Variants in CTDSPL observed in about 807,000 individuals in gnomAD.
The protein encoded by CTDSPL is CTD small phosphatase like, also known as CTD small phosphatase-like protein.
Under a neutral mutation model 30.5 loss-of-function variants are expected in CTDSPL, and 8 were observed. The ratio of observed to expected loss-of-function variants is 0.26; its 90% CI spans 0.15 to 0.47. CTDSPL has a LOEUF of 0.47. CTDSPL is among the 20% of genes least tolerant of loss of function. The probability of loss-of-function intolerance (pLI) is 0.99; values close to 1 mark genes in which losing one functional copy is unlikely to be tolerated. For missense variants in CTDSPL, 248 were observed against 366.1 expected (o/e 0.68, Z 2.63); for synonymous variants, 110 against 137.9 (o/e 0.80, Z 1.42).
At chr3:37,925,975 A>G (rs1189440747) in intron 1 of CTDSPL, among the ~76,000 whole-genome samples, 5 of 152,212 alleles carry the variant, frequency 3.3e-5, no homozygotes, top group African/African-American at 1.2e-4. Flanking sequence ...GCTGGAATCT[A>G]AGCTCAATAA....
intron 1 of CTDSPL, among the ~76,000 whole-genome samples, chr3:37,907,562 G>A (rs1234026579): frequency 6.6e-6 from 1 of 152,228 alleles, no homozygotes; most frequent in Non-Finnish European, 1.5e-5. Context: ...AAGGATGAAA[G>A]AGTGACAGGC....
intron 1 of CTDSPL, among the ~76,000 whole-genome samples, chr3:37,892,767 A>G (rs1698342553): frequency 6.6e-6 from 1 of 152,144 alleles, no homozygotes; most frequent in African/African-American, 2.4e-5. Flanking sequence ...GTCAATCCTT[A>G]CAGAAGTGGG....
intron 1 of CTDSPL, among the ~76,000 whole-genome samples, chr3:37,905,862 A>C (rs559564713): frequency 6.6e-6 from 1 of 152,190 alleles, no homozygotes. Context: ...TGAAAGCCTG[A>C]TATTTTTCCA....
At chr3:37,959,065 A>G (rs558151572) in intron 3 of CTDSPL, among the ~76,000 whole-genome samples, 12 of 152,288 alleles carry the variant, frequency 7.9e-5, no homozygotes, top group African/African-American at 2.9e-4. Flanking sequence ...GGTGCCATAC[A>G]TAGGAGCAGA....
rs998041512 is a variant in CTDSPL, at chr3:37,975,994, GCCTTTTCCTAATGAA to G, written c.705+101_705+115del. On this transcript the variant is annotated intron_variant, in intron 7 of 7. Coordinates refer to ENST00000273179, the MANE Select transcript of CTDSPL (RefSeq NM_001008392.2). This position sits in a 1 kb window ranked among gnomAD's most constrained non-coding sequence, Gnocchi z 4.9. ...AGCACCTACACAAGAAGGTCTCTGG[GCCTTTTCCTAATGAA>G]ATCCCAGCTCTGCCATTTAGCAGTT... 1 of 1,261,794 alleles carries G rather than the reference GCCTTTTCCTAATGAA, an allele frequency of 7.9e-7. No homozygotes were observed. The highest frequency in any genetic ancestry group is 1.5e-5 in the African/African-American group (1 of 66,758). 78.2% of individuals were successfully genotyped at this position (1,261,794 alleles called of 1,614,324 possible). A position where few individuals can be genotyped will look rare whatever the true frequency, so the allele number is the denominator to read the frequency against.
At chr3:37,877,563 G>C (rs929557012) in intron 1 of CTDSPL, among the ~76,000 whole-genome samples, 12 of 151,972 alleles carry the variant, frequency 7.9e-5, no homozygotes, top group Non-Finnish European at 1.3e-4. Flanking sequence ...TATGAACACA[G>C]GTGTTTGAGT....
At chr3:37,927,598 A>G (rs1353471233) in intron 1 of CTDSPL, among the ~76,000 whole-genome samples, 1 of 147,736 alleles carries the variant, frequency 6.8e-6, no homozygotes, top group Admixed American at 6.8e-5. Context: ...TCCCAAGGCC[A>G]GTCTTTTTTT....
chr3:37,867,412 A>C (rs890056671), intron 1 of CTDSPL, among the ~76,000 whole-genome samples: 1 of 152,232 alleles, frequency 6.6e-6, no homozygotes, highest in African/African-American at 2.4e-5. Flanking sequence ...ATAAAGCTGC[A>C]ATAAACATTG....
At chr3:37,883,393 A>G (rs1385587528) in intron 1 of CTDSPL, among the ~76,000 whole-genome samples, 5 of 152,230 alleles carry the variant, frequency 3.3e-5, no homozygotes, top group Non-Finnish European at 7.3e-5. Context: ...CACGAATAGA[A>G]TTCAGGGAGT....
chr3:37,865,880 C>T (rs1202491803), intron 1 of CTDSPL, among the ~76,000 whole-genome samples: 1 of 152,020 alleles, frequency 6.6e-6, no homozygotes, highest in African/African-American at 2.4e-5. Context: ...CATGGCTACC[C>T]CTTGCTGCAA....
chr3:37,907,845 G>A (rs2668068), intron 1 of CTDSPL, among the ~76,000 whole-genome samples: 23 of 152,330 alleles, frequency 1.5e-4, no homozygotes, highest in African/African-American at 5.5e-4. Context: ...TGAGGGGAGT[G>A]GAGGTGGGCT....
At chr3:37,958,438 G>A (rs1269869538) in intron 3 of CTDSPL, among the ~76,000 whole-genome samples, 3 of 152,160 alleles carry the variant, frequency 2.0e-5, no homozygotes, top group African/African-American at 7.2e-5. Flanking sequence ...AGTAGTTTTT[G>A]ACATATTTTT....
At chr3:37,872,384 T>C (rs1394829796) in intron 1 of CTDSPL, among the ~76,000 whole-genome samples, 1 of 151,994 alleles carries the variant, frequency 6.6e-6, no homozygotes, top group African/African-American at 2.4e-5. Flanking sequence ...CAAATTACAA[T>C]TGAAACCTGG....
Position 37,981,883 on chromosome 3 carries a change from T to C in CTDSPL, c.*1016T>C, listed in dbSNP as rs1365373110. 4.4e-6 allele frequency: 2 copies of C among 457,264 alleles called. No homozygotes were observed. The highest frequency in any genetic ancestry group is 2.3e-5 in the Admixed American group (1 of 42,596). The allele number at this position is 457,264 out of a possible 1,614,324, so 28.3% of individuals were successfully genotyped here. ...TTGCTGCTACCGCGCTGCCACCAAATGGAATTGACCAGCGGCTGTTACACT... is the reference window on the plus strand; with the variant it reads ...TTGCTGCTACCGCGCTGCCACCAAACGGAATTGACCAGCGGCTGTTACACT... On this transcript the variant is annotated 3_prime_UTR_variant, in exon 8 of 8. Transcript: ENST00000273179.
chr3:37,917,948 A>G (rs1332023719), intron 1 of CTDSPL, among the ~76,000 whole-genome samples: 6 of 152,212 alleles, frequency 3.9e-5, no homozygotes, highest in African/African-American at 1.4e-4. Flanking sequence ...GTTTTCGCAA[A>G]GAATTTCCAA....
At position 37,982,675 on chromosome 3, in the gene CTDSPL, G is replaced by A. The variant is rs1194604599; in HGVS notation, c.*1808G>A. 2.2e-6 allele frequency: 1 copy of A among 456,496 alleles called. No homozygotes were observed. The highest frequency in any genetic ancestry group is 2.3e-5 in the Admixed American group (1 of 42,556). 28.3% of individuals were successfully genotyped at this position (456,496 alleles called of 1,614,324 possible). ...ATTCAGGGGGTAAACAGGTCTCCCAGCATTCTGAGTGTTCCAAACCAGTAA... is the reference window on the plus strand; with the variant it reads ...ATTCAGGGGGTAAACAGGTCTCCCAACATTCTGAGTGTTCCAAACCAGTAA... On this transcript the variant is annotated 3_prime_UTR_variant, in exon 8 of 8. Transcript: ENST00000273179.
At chr3:37,876,780 C>CTT (rs144593855) in intron 1 of CTDSPL, among the ~76,000 whole-genome samples, 7 of 146,964 alleles carry the variant, frequency 4.8e-5, no homozygotes, top group African/African-American at 1.5e-4. Flanking sequence ...TTAGTAATGT[C>CTT]TTTTTTTTTT....
intron 1 of CTDSPL, among the ~76,000 whole-genome samples, chr3:37,923,025 C>T (rs893326931): frequency 2.1e-4 from 32 of 152,228 alleles, no homozygotes; most frequent in Admixed American, 6.5e-4. Context: ...AGAACCCAGT[C>T]TGAGCCATGT....
chr3:37,935,926 G>T (rs9311168), intron 1 of CTDSPL, among the ~76,000 whole-genome samples: 46,345 of 152,086 alleles, frequency 0.3, 8,886 homozygotes, highest in African/African-American at 0.54. Context: ...GTTGAGAATA[G>T]GTACTTTGAG....
Sources: allele counts gnomAD v4.1 joint callset (sites outside exome capture counted in the v4.1 genomes callset), GRCh38; gene constraint gnomAD v4.1.1; non-coding constraint Gnocchi (gnomAD v3.1); transcripts MANE v1.5; gene names NCBI Gene and HGNC (gene_info 2026-07-23, HGNC 2026-07-21).